The following BICDL1 variants were observed in gnomAD, a reference collection of about 807,000 sequenced individuals.
BICDL1 encodes BICD family like cargo adaptor 1, also known as BICD family-like cargo adapter 1.
In BICDL1, 20 loss-of-function variants were observed where a neutral mutation model predicts 76.8. The observed-to-expected ratio is 0.26, with a 90% CI of 0.18 to 0.38. BICDL1 has a LOEUF of 0.38. BICDL1 is among the 10% of genes least tolerant of loss of function. BICDL1 has a pLI of 1.00. For missense variants in BICDL1, 700 were observed against 798.6 expected, an observed-to-expected ratio of 0.88 and a Z score of 1.49; for synonymous variants, 383 against 337.1, an observed-to-expected ratio of 1.14 and a Z score of -1.49.
chr12:120,072,698 T>G lies in BICDL1; in HGVS notation c.1277T>G (p.Ile426Arg). Residue 426 changes from isoleucine to arginine, a missense_variant, in exon 6 of 10, where the codon ATA becomes AGA. By Grantham distance (97) the Ile-to-Arg change is moderately conservative. This residue lies in a region of BICDL1 where 455 missense variants were observed against 548.7 expected (regional missense o/e 0.83). Transcript: ENST00000548673. ...RTALNELKRLIQSIVDGMEPT... is the reference protein window; with the variant it reads ...RTALNELKRLRQSIVDGMEPT... ...GCCCTCAATGAGCTCAAGAGACTGA[T>G]ACAGAGCATTGTGGATGGCATGGAG... is the stretch of plus-strand genomic sequence containing the variant. The G allele has an allele frequency of 6.2e-7, 1 of 1,613,626 alleles. No homozygotes were observed. The highest frequency in any genetic ancestry group is 8.5e-7 in the Non-Finnish European group (1 of 1,180,018).
At chr12:120,061,852 G>C in intron 3 of BICDL1, 26 bp downstream of exon 3, 1 of 1,540,270 alleles carries the variant, frequency 6.5e-7, no homozygotes, top group Non-Finnish European at 9.0e-7. Flanking sequence ...CAGCAGTGCT[G>C]GAAGGTGGAG....
intron 2 of BICDL1, among the ~76,000 whole-genome samples, chr12:120,049,607 A>G (rs1952814745): frequency 6.6e-6 from 1 of 152,012 alleles, no homozygotes; most frequent in Non-Finnish European, 1.5e-5. Context: ...TTCATTGGGC[A>G]TCTTGAGTTT....
At chr12:120,091,964 C>G in intron 9 of BICDL1, 10 of 985,382 alleles carry the variant, frequency 1.0e-5, no homozygotes, top group Non-Finnish European at 1.2e-5. Context: ...CACAGGCTGA[C>G]TCACTCAGGG....
At chr12:120,038,630 G>A (rs7295717) in intron 2 of BICDL1, among the ~76,000 whole-genome samples, 48,666 of 151,868 alleles carry the variant, frequency 0.32, 9,797 homozygotes, top group African/African-American at 0.57. Context: ...TGATTGATTG[G>A]CTGTTGTGAG....
chr12:120,063,466 G>A (rs1953151131), intron 3 of BICDL1, among the ~76,000 whole-genome samples: 2 of 152,030 alleles, frequency 1.3e-5, no homozygotes, highest in Admixed American at 6.6e-5. Context: ...TGTGCCCTGT[G>A]AGCAGAATTC....
In BICDL1 at chr12:120,023,606, A is replaced by G. The variant is rs184603156; in HGVS notation, c.645+24870A>G. Reference sequence around the variant, plus strand: ...GAGTTCAAGACCAGCCTGGCCAACAATGGTGAACCCCATCTCTACTAAAAA... The same window carrying G: ...GAGTTCAAGACCAGCCTGGCCAACAGTGGTGAACCCCATCTCTACTAAAAA... On this transcript the variant is annotated intron_variant, in intron 2 of 9. Transcript: ENST00000548673. 9.2e-4 allele frequency among the ~76,000 whole-genome samples: 140 copies of G among 151,946 alleles called. 2 individuals carry two copies. Among genetic ancestry groups the G allele is most frequent in the Admixed American group, 3.9e-3 (60 of 15,262 alleles).
intron 7 of BICDL1, among the ~76,000 whole-genome samples, chr12:120,080,337 C>T (rs934750883): frequency 5.3e-5 from 8 of 152,306 alleles, no homozygotes; most frequent in African/African-American, 1.9e-4. Flanking sequence ...ATGATAATGT[C>T]ACTTAGGTGT....
chr12:119,998,706 G>A lies in BICDL1; in HGVS notation c.615G>A (p.Gln205=). Residue 205 remains glutamine, a synonymous_variant, in exon 2 of 10, where the codon CAG becomes CAA. Coordinates refer to ENST00000548673, the MANE Select transcript of BICDL1 (RefSeq NM_001367886.1). ...GGGCTGTCCAGGAACTGTCGGAACA[G>A]AACCAAAGGCTATTGGATCAGCTCA... The part of the protein sequence containing the change: ...KSRAVQELSE[Q]NQRLLDQLSR... 1 of 1,614,126 alleles carries A rather than the reference G, an allele frequency of 6.2e-7. No homozygotes were observed. The highest frequency in any genetic ancestry group is 2.2e-5 in the East Asian group (1 of 44,888).
intron 8 of BICDL1, among the ~76,000 whole-genome samples, chr12:120,086,463 G>C (rs1485282676): frequency 6.6e-6 from 1 of 152,196 alleles, no homozygotes; most frequent in Admixed American, 6.5e-5. Flanking sequence ...AACCTCACCA[G>C]AACAATACAG....
At chr12:120,074,412 A>C (rs1277622388) in intron 6 of BICDL1, 31 bp from the exon 7 acceptor site, 2 of 1,136,146 alleles carry the variant, frequency 1.8e-6, no homozygotes, top group African/African-American at 3.3e-5. Flanking sequence ...CCCTTACCAT[A>C]TCTGTCTGGC....
At chr12:120,074,669 C>A (rs1350418223) in intron 7 of BICDL1, 83 bp downstream of exon 7, 9 of 969,886 alleles carry the variant, frequency 9.3e-6, no homozygotes, top group Non-Finnish European at 9.9e-6. Context: ...TTTCTCTCTC[C>A]CATTTCTGTG....
At chr12:119,997,382 A>C (rs1285798112) in intron 1 of BICDL1, among the ~76,000 whole-genome samples, 1 of 152,170 alleles carries the variant, frequency 6.6e-6, no homozygotes, top group Non-Finnish European at 1.5e-5. Flanking sequence ...CTAGAATGAA[A>C]ACTCCATACA....
intron 2 of BICDL1, among the ~76,000 whole-genome samples, chr12:120,056,199 C>CT (rs968556729): frequency 4.6e-5 from 7 of 151,976 alleles, no homozygotes; most frequent in Non-Finnish European, 8.8e-5. Context: ...GTTTTCTTTA[C>CT]TTTTTTTTAC....
At chr12:120,026,431 A>G (rs1952303506) in intron 2 of BICDL1, among the ~76,000 whole-genome samples, 2 of 152,162 alleles carry the variant, frequency 1.3e-5, no homozygotes, top group Admixed American at 1.3e-4. Context: ...TTTTTAAGTG[A>G]AGTTCTAAAA....
At chr12:120,039,653 AAAAAAAAG>A (rs954537146) in intron 2 of BICDL1, among the ~76,000 whole-genome samples, 3 of 151,406 alleles carry the variant, frequency 2.0e-5, no homozygotes, top group Non-Finnish European at 4.4e-5. Flanking sequence ...AAAAAAAAAA[AAAAAAAAG>A]AAAAGGCTTC....
At chr12:120,010,822 A>T (rs1380592015) in intron 2 of BICDL1, among the ~76,000 whole-genome samples, 1 of 152,196 alleles carries the variant, frequency 6.6e-6, no homozygotes, top group African/African-American at 2.4e-5. Flanking sequence ...GGGGAAGTTA[A>T]GTGATTTGCT....
Position 119,989,851 on chromosome 12 carries a change from G to C in BICDL1, c.-18G>C. The C allele has an allele frequency of 1.5e-6, 2 of 1,326,638 alleles. No individual in the cohort carries two copies. The highest frequency in any genetic ancestry group is 9.5e-7 in the Non-Finnish European group (1 of 1,048,800). The allele number at this position is 1,326,638 out of a possible 1,614,324, so 82.2% of individuals were successfully genotyped here. On this transcript the variant is annotated 5_prime_UTR_variant, in exon 1 of 10. Transcript: ENST00000548673. ...CGCGGGCCGGGCCGCACCGCTGCGGGCTCCGCGCGCGCGGGCCATGTCCGC... is the reference window on the plus strand; with the variant it reads ...CGCGGGCCGGGCCGCACCGCTGCGGCCTCCGCGCGCGCGGGCCATGTCCGC...
intron 1 of BICDL1, among the ~76,000 whole-genome samples, chr12:119,996,792 G>T (rs974447782): frequency 6.6e-6 from 1 of 152,146 alleles, no homozygotes; most frequent in South Asian, 2.1e-4. Flanking sequence ...AGTTACACCA[G>T]AATGTTTCTG....
chr12:120,090,903 G>A, intron 9 of BICDL1: 2 of 1,288,538 alleles, frequency 1.6e-6, no homozygotes, highest in Non-Finnish European at 2.0e-6. Context: ...CTTCTCTCCC[G>A]GCTACAGTTT....
Sources: allele counts gnomAD v4.1 joint callset (sites outside exome capture counted in the v4.1 genomes callset), GRCh38; gene constraint gnomAD v4.1.1; regional missense constraint gnomAD v4.1.1; transcripts MANE v1.5; gene names NCBI Gene and HGNC (gene_info 2026-07-23, HGNC 2026-07-21).